Variants in LRBA observed in about 807,000 individuals in gnomAD.
LRBA encodes lipopolysaccharide-responsive and beige-like anchor protein.
In LRBA, 176 loss-of-function variants were observed where a neutral mutation model predicts 330.0. The ratio of observed to expected loss-of-function variants is 0.53; its 90% CI spans 0.47 to 0.60. The LOEUF (loss-of-function observed/expected upper bound fraction) is 0.60, where lower values mean the gene tolerates loss of function less well. LRBA is among the 20% of genes least tolerant of loss of function. The pLI, the probability that LRBA is intolerant of heterozygous loss-of-function variation, is 0.00. For synonymous variants in LRBA, 1,230 were observed against 1,193.0 expected, an observed-to-expected ratio of 1.03 and a Z score of -0.64; for missense variants, 3,259 against 3,444.8, an observed-to-expected ratio of 0.95 and a Z score of 1.35.
chr4:150,299,187 G>A (rs1177147567), intron 53 of LRBA, among the ~76,000 whole-genome samples: 3 of 151,990 alleles, frequency 2.0e-5, no homozygotes, highest in Non-Finnish European at 4.4e-5. Flanking sequence ...AAAACACAGA[G>A]TACTAGGACA....
At chr4:150,933,279 T>C (rs539509434) in intron 2 of LRBA, among the ~76,000 whole-genome samples, 32 of 151,496 alleles carry the variant, frequency 2.1e-4, no homozygotes, top group Non-Finnish European at 4.6e-4. Context: ...TCCCAACTAC[T>C]TGGGAGGCTG....
At chr4:150,607,940 CAGG>C (rs1196009063) in intron 37 of LRBA, among the ~76,000 whole-genome samples, 1 of 152,118 alleles carries the variant, frequency 6.6e-6, no homozygotes, top group Non-Finnish European at 1.5e-5. Context: ...GAGGCTGAGG[CAGG>C]AGAATTGCTT....
intron 2 of LRBA, among the ~76,000 whole-genome samples, chr4:150,976,865 G>A (rs767294633): frequency 5.9e-5 from 9 of 152,178 alleles, no homozygotes; most frequent in South Asian, 2.1e-4. Context: ...CTGTCACAGC[G>A]GAAAGCAGAA....
chr4:150,420,386 A>G (rs1452866242), intron 46 of LRBA, among the ~76,000 whole-genome samples: 1 of 130,550 alleles, frequency 7.7e-6, no homozygotes, highest in Admixed American at 8.0e-5. Flanking sequence ...TACACATTAT[A>G]GTATATATAA....
intron 36 of LRBA, among the ~76,000 whole-genome samples, chr4:150,700,771 T>C (rs1430203450): frequency 1.3e-5 from 2 of 151,830 alleles, no homozygotes; most frequent in African/African-American, 2.4e-5. Flanking sequence ...TTTTTTTTTT[T>C]TGAGACAGAG....
intron 37 of LRBA, among the ~76,000 whole-genome samples, chr4:150,661,009 A>G (rs1781019291): frequency 8.6e-6 from 1 of 116,214 alleles, no homozygotes; most frequent in African/African-American, 3.4e-5. Flanking sequence ...TCCCTCCACT[A>G]TTGTCCCATG....
chr4:150,882,465 T>G (rs1227000072), intron 17 of LRBA, among the ~76,000 whole-genome samples: 1 of 152,200 alleles, frequency 6.6e-6, no homozygotes, highest in Non-Finnish European at 1.5e-5. Flanking sequence ...TAAATAAATG[T>G]TTATTCTCTA....
At chr4:150,900,882 T>TA (rs1730647627) in intron 13 of LRBA, among the ~76,000 whole-genome samples, 1 of 152,126 alleles carries the variant, frequency 6.6e-6, no homozygotes, top group Non-Finnish European at 1.5e-5. Flanking sequence ...TCATTGAAAG[T>TA]AAATAGTCTA....
intron 17 of LRBA, among the ~76,000 whole-genome samples, chr4:150,885,095 A>T (rs1246974442): frequency 6.6e-6 from 1 of 151,964 alleles, no homozygotes; most frequent in Non-Finnish European, 1.5e-5. Context: ...AATCAATATA[A>T]ATTATATAGT....
At chr4:150,917,336 C>G (rs1045376422) in intron 5 of LRBA, among the ~76,000 whole-genome samples, 1 of 151,344 alleles carries the variant, frequency 6.6e-6, no homozygotes, top group East Asian at 1.9e-4. Context: ...TTAAAATGAA[C>G]GTATCCACAG....
At chr4:150,601,477 AAT>A (rs1774103014) in intron 37 of LRBA, among the ~76,000 whole-genome samples, 1 of 152,136 alleles carries the variant, frequency 6.6e-6, no homozygotes, top group African/African-American at 2.4e-5. Flanking sequence ...CTATAGCAAA[AAT>A]AACCAAAATT....
Position 150,590,695 on chromosome 4 carries a change from CACA to C in LRBA, c.6193+15_6193+17del. The C allele has an allele frequency of 1.2e-6, 2 of 1,611,114 alleles. No homozygotes were observed. Among genetic ancestry groups the C allele is most frequent in the Non-Finnish European group, 1.7e-6 (2 of 1,178,564 alleles). Reference sequence around the variant, plus strand: ...GTCCCAGAGGTAGCTGAAATATCTGCACAACCACCAAATTTACCGGCAAGATTC... The same window carrying C: ...GTCCCAGAGGTAGCTGAAATATCTGCACCACCAAATTTACCGGCAAGATTC... On this transcript the variant is annotated intron_variant, in intron 39 of 56. Coordinates refer to ENST00000651943, the MANE Select transcript of LRBA (RefSeq NM_001364905.1).
chr4:150,891,513 C>T (rs1327020807), intron 17 of LRBA, among the ~76,000 whole-genome samples: 2 of 152,160 alleles, frequency 1.3e-5, no homozygotes, highest in Non-Finnish European at 2.9e-5. Context: ...TGGACCTTAT[C>T]CAGCTGAAAG....
chr4:150,775,826 A>C (rs960001621), intron 34 of LRBA, among the ~76,000 whole-genome samples: 1 of 138,840 alleles, frequency 7.2e-6, no homozygotes, highest in African/African-American at 2.5e-5. Context: ...AAAAAAAAAA[A>C]AGACCAGCAA....
At chr4:150,467,884 A>G (rs902456087) in intron 43 of LRBA, 99 bp from the exon 44 acceptor site, 1 of 541,806 alleles carries the variant, frequency 1.8e-6, no homozygotes, top group Non-Finnish European at 3.3e-6. Context: ...ACAATTTTTG[A>G]TTGCCAGACA....
chr4:150,423,088 G>C (rs1749046530), intron 46 of LRBA: 1 of 811,576 alleles, frequency 1.2e-6, no homozygotes, highest in African/African-American at 1.7e-5. Flanking sequence ...CTCTGGGGAA[G>C]AGCTCCAAGG....
chr4:150,751,152 C>T (rs1392912060), intron 35 of LRBA, among the ~76,000 whole-genome samples: 1 of 151,900 alleles, frequency 6.6e-6, no homozygotes, highest in African/African-American at 2.4e-5. Context: ...AATATTTTTG[C>T]TGGATAATAC....
chr4:150,391,823 C>A lies in LRBA; in HGVS notation c.7194+23615G>T, dbSNP rs933658636. On this transcript the variant is annotated intron_variant, in intron 47 of 56. Coordinates refer to ENST00000651943, the MANE Select transcript of LRBA (RefSeq NM_001364905.1). ...ATATTTTTCTTCCTCTTGAGTGCCA[C>A]TTCTTTGGTTTAGGCTCTCAGAATT... Among the ~76,000 whole-genome samples, 6 of 151,410 alleles carry A rather than the reference C, an allele frequency of 4.0e-5. No individual in the cohort carries two copies. The Admixed American group carries it at 4.0e-4, about 10-fold the overall frequency.
intron 40 of LRBA, chr4:150,579,695 G>C (rs750652607): frequency 2.2e-6 from 1 of 456,704 alleles, no homozygotes. Context: ...GCGAGTGGTG[G>C]CGCGAAGGTC....
Sources: gnomAD v4.1 joint callset for allele counts (sites outside exome capture counted in the v4.1 genomes callset) on GRCh38, gnomAD v4.1.1 for gene constraint, MANE v1.5 for transcripts, NCBI Gene and HGNC (gene_info 2026-07-23, HGNC 2026-07-21) for gene names.